The following SLC27A6 variants were observed in gnomAD, a reference collection of about 807,000 sequenced individuals.
The protein encoded by SLC27A6 is long-chain fatty acid transport protein 6.
A neutral mutation model predicts 63.9 loss-of-function variants in SLC27A6; 74 were observed. The ratio of observed to expected loss-of-function variants is 1.16; its 90% CI spans 0.96 to 1.40. The LOEUF is 1.40. Among genes scored for constraint, SLC27A6 ranks in the 40% most tolerant of loss-of-function variants. The pLI, the probability that SLC27A6 is intolerant of heterozygous loss-of-function variation, is 0.00. For synonymous variants in SLC27A6, 287 were observed against 260.8 expected, an observed-to-expected ratio of 1.10 and a Z score of -0.97; for missense variants, 794 against 732.9, an observed-to-expected ratio of 1.08 and a Z score of -0.96.
At chr5:128,975,414 A>G (rs1186502717) in intron 1 of SLC27A6, among the ~76,000 whole-genome samples, 1 of 152,240 alleles carries the variant, frequency 6.6e-6, no homozygotes, top group Non-Finnish European at 1.5e-5. Flanking sequence ...TGAACATCAT[A>G]GAGTGTACCT....
At chr5:128,981,041 A>G (rs1048046177) in intron 1 of SLC27A6, among the ~76,000 whole-genome samples, 8 of 152,238 alleles carry the variant, frequency 5.3e-5, no homozygotes, top group Admixed American at 5.2e-4. Context: ...GGCAGGGATT[A>G]TAATTAACAT....
chr5:129,020,422 C>A (rs1296688211), intron 5 of SLC27A6, among the ~76,000 whole-genome samples: 1 of 152,052 alleles, frequency 6.6e-6, no homozygotes, highest in Non-Finnish European at 1.5e-5. Context: ...GATTGAACAA[C>A]TCTGAATTGT....
At chr5:128,998,352 A>C (rs951608774) in intron 4 of SLC27A6, among the ~76,000 whole-genome samples, 7 of 150,418 alleles carry the variant, frequency 4.7e-5, no homozygotes, top group Admixed American at 1.3e-4. Context: ...GTAATTTTGT[A>C]GAATGTATTT....
At chr5:129,008,865 ATTT>A (rs777633985) in intron 4 of SLC27A6, among the ~76,000 whole-genome samples, 80 of 122,798 alleles carry the variant, frequency 6.5e-4, no homozygotes, top group Middle Eastern at 4.4e-3. Context: ...TTTTCAATTG[ATTT>A]TTTTTTTTTT....
intron 4 of SLC27A6, among the ~76,000 whole-genome samples, chr5:128,995,980 A>T (rs1751146331): frequency 6.6e-6 from 1 of 152,120 alleles, no homozygotes; most frequent in African/African-American, 2.4e-5. Flanking sequence ...GCAAATTATG[A>T]ACTATTTGCT....
At chr5:129,024,654 A>G (rs1255200362) in intron 6 of SLC27A6, among the ~76,000 whole-genome samples, 2 of 152,142 alleles carry the variant, frequency 1.3e-5, no homozygotes, top group Non-Finnish European at 2.9e-5. Context: ...AAGTACTTCA[A>G]TTAACTTGCT....
intron 1 of SLC27A6, among the ~76,000 whole-genome samples, chr5:128,969,946 C>G (rs1407312749): frequency 6.6e-6 from 1 of 152,066 alleles, no homozygotes; most frequent in African/African-American, 2.4e-5. Context: ...CCATCAATAC[C>G]TAGTTTATTG....
chr5:129,027,313 G>T lies in SLC27A6; in HGVS notation c.1436G>T (p.Arg479Leu). ...DQDNFLYFWD[R>L]TGDTFRWKGE... The stretch of plus-strand genomic sequence containing the variant: ...GACAATTTCCTTTATTTTTGGGACC[G>T]TACTGGAGACACTTTCAGGTATGAA... Residue 479 changes from arginine (R) to leucine (L), a missense_variant, in exon 7 of 10, where the codon CGT (arginine) becomes CTT (leucine). Transcript: ENST00000262462. 6.2e-7 allele frequency: 1 copy of T among 1,610,904 alleles called. No individual in the cohort carries two copies. The highest frequency in any genetic ancestry group is 1.1e-5 in the South Asian group (1 of 90,996).
Position 128,975,801 on chromosome 5 carries a change from C to T in SLC27A6, c.481+9183C>T, listed in dbSNP as rs1750356503. On this transcript the variant is annotated intron_variant, in intron 1 of 9. Coordinates refer to ENST00000262462, the MANE Select transcript of SLC27A6 (RefSeq NM_001017372.3). The stretch of plus-strand genomic sequence containing the variant: ...ATCCTTTCTTTACATTATTTTTGCT[C>T]CTGACAGTATTCAAGCATCATTCCC... Among the ~76,000 whole-genome samples, 3 of 152,082 alleles carry T rather than the reference C, an allele frequency of 2.0e-5. No homozygotes were observed. In the South Asian group the frequency reaches 6.2e-4, roughly 31 times the overall value.
intron 1 of SLC27A6, among the ~76,000 whole-genome samples, chr5:128,983,289 G>GTTTTT (rs1195794733): frequency 0.011 from 1,266 of 110,756 alleles, 28 homozygotes; most frequent in East Asian, 0.015. Flanking sequence ...TCTGATCCGG[G>GTTTTT]TTTTTTTTTT....
intron 4 of SLC27A6, among the ~76,000 whole-genome samples, chr5:129,006,916 A>G (rs1751558970): frequency 7.0e-6 from 1 of 142,642 alleles, no homozygotes; most frequent in African/African-American, 2.6e-5. Flanking sequence ...TCTAAAGTGC[A>G]GTTGAATAGA....
At chr5:129,018,995 G>A (rs2150151457) in intron 5 of SLC27A6, among the ~76,000 whole-genome samples, 1 of 152,200 alleles carries the variant, frequency 6.6e-6, no homozygotes, top group East Asian at 1.9e-4. Flanking sequence ...ATTAAGAGAG[G>A]AGATTTGATA....
chr5:129,014,370 T>TG (rs1436881700), intron 4 of SLC27A6, among the ~76,000 whole-genome samples: 5 of 152,144 alleles, frequency 3.3e-5, no homozygotes, highest in Admixed American at 6.5e-5. Context: ...GAAGTTTCAT[T>TG]GGTGATGGCA....
chr5:128,991,559 C>T (rs1378033095), intron 4 of SLC27A6, among the ~76,000 whole-genome samples: 1 of 152,080 alleles, frequency 6.6e-6, no homozygotes, highest in Non-Finnish European at 1.5e-5. Context: ...TAGATTCATG[C>T]TATGTTTACA....
chr5:129,009,135 G>A (rs1001938632), intron 4 of SLC27A6, among the ~76,000 whole-genome samples: 10 of 152,070 alleles, frequency 6.6e-5, no homozygotes, highest in Admixed American at 1.3e-4. Flanking sequence ...CCAAAGTGCT[G>A]AGGTGTGAGC....
intron 4 of SLC27A6, among the ~76,000 whole-genome samples, chr5:128,992,914 C>T (rs564300825): frequency 6.6e-6 from 1 of 152,260 alleles, no homozygotes; most frequent in East Asian, 1.9e-4. Flanking sequence ...TTAATAGTGA[C>T]ATCAGTTTGT....
At chr5:128,998,117 CAAAAAAAAAAAA>C (rs34463699) in intron 4 of SLC27A6, among the ~76,000 whole-genome samples, 3 of 89,384 alleles carry the variant, frequency 3.4e-5, no homozygotes, top group Non-Finnish European at 6.6e-5. Context: ...CCCATCTCTA[CAAAAAAAAAAAA>C]AAAAAAAAAA....
rs1752368471 is a variant in SLC27A6 at position 129,030,082 on chromosome 5, T to C, written c.1683+375T>C. Among the ~76,000 whole-genome samples the C allele has an allele frequency of 2.6e-5, 4 of 152,052 alleles. No homozygotes were observed. In the South Asian group the frequency reaches 8.3e-4, roughly 31 times the overall value. On this transcript the variant is annotated intron_variant, in intron 9 of 9. Transcript: ENST00000262462. ...GAGACATCAAAGAGATGGCAAGATG[T>C]GTGCAGAACCTAAAGGCATCTGGCT...
At chr5:129,007,216 C>T (rs1398510864) in intron 4 of SLC27A6, among the ~76,000 whole-genome samples, 4 of 151,726 alleles carry the variant, frequency 2.6e-5, no homozygotes, top group Non-Finnish European at 5.9e-5. Context: ...GAGGCCGAGG[C>T]GGGTGGATCA....
Sources: allele counts gnomAD v4.1 joint callset (sites outside exome capture counted in the v4.1 genomes callset), GRCh38; gene constraint gnomAD v4.1.1; transcripts MANE v1.5; gene names NCBI Gene and HGNC (gene_info 2026-07-23, HGNC 2026-07-21).